The following PDE4B variants were observed in gnomAD, a reference collection of about 807,000 sequenced individuals.
The protein encoded by PDE4B is 3',5'-cyclic-AMP phosphodiesterase 4B.
A neutral mutation model predicts 82.2 loss-of-function variants in PDE4B; 20 were observed. The observed-to-expected ratio is 0.24, with a 90% CI of 0.17 to 0.35. The LOEUF (loss-of-function observed/expected upper bound fraction) is 0.35. Ranked by LOEUF, PDE4B falls within the 10% of genes least tolerant of loss-of-function variation. The probability of loss-of-function intolerance (pLI) is 1.00; values close to 1 mark genes in which losing one functional copy is unlikely to be tolerated. For missense variants in PDE4B, 655 were observed against 907.2 expected, an observed-to-expected ratio of 0.72 and a Z score of 3.57; for synonymous variants, 320 against 318.9, an observed-to-expected ratio of 1.00 and a Z score of -0.04.
At chr1:65,947,084 A>T (rs1261319499) in intron 3 of PDE4B, among the ~76,000 whole-genome samples, 1 of 152,042 alleles carries the variant, frequency 6.6e-6, no homozygotes, top group South Asian at 2.1e-4. Context: ...AGGCACGGTT[A>T]ACATGACATC....
intron 3 of PDE4B, chr1:66,050,767 G>A (rs777027076): frequency 2.6e-5 from 4 of 152,232 alleles, no homozygotes; most frequent in Non-Finnish European, 5.9e-5. Flanking sequence ...GAATGGCTGT[G>A]TTAGAACATC....
chr1:65,924,030 T>A (rs1647354500), intron 3 of PDE4B, among the ~76,000 whole-genome samples: 2 of 150,282 alleles, frequency 1.3e-5, no homozygotes, highest in African/African-American at 4.9e-5. Flanking sequence ...TTTGTCTTTC[T>A]GGGCTGCATT....
intron 3 of PDE4B, among the ~76,000 whole-genome samples, chr1:66,118,997 A>T (rs1645655128): frequency 6.6e-6 from 1 of 151,980 alleles, no homozygotes; most frequent in African/African-American, 2.4e-5. Flanking sequence ...CTTCATCTCT[A>T]TGTATACTGT....
At chr1:66,150,724 G>C (rs200171951) in intron 3 of PDE4B, among the ~76,000 whole-genome samples, 1 of 152,014 alleles carries the variant, frequency 6.6e-6, no homozygotes, top group South Asian at 2.1e-4. Context: ...TCCCTACTTT[G>C]TTAGGTATTT....
chr1:65,921,271 A>T (rs1163999320), intron 3 of PDE4B, among the ~76,000 whole-genome samples: 2 of 152,100 alleles, frequency 1.3e-5, no homozygotes, highest in African/African-American at 4.8e-5. Flanking sequence ...CCCGGCCCTA[A>T]AAGCATTTCT....
chr1:66,273,742 G>A, intron 7 of PDE4B, among the ~76,000 whole-genome samples: 1 of 152,164 alleles, frequency 6.6e-6, no homozygotes, highest in East Asian at 1.9e-4. Context: ...CTCAATAAAT[G>A]TTTATGGACT....
intron 1 of PDE4B, among the ~76,000 whole-genome samples, chr1:65,850,950 A>G (rs1403289332): frequency 6.6e-6 from 1 of 152,088 alleles, no homozygotes; most frequent in Non-Finnish European, 1.5e-5. Context: ...TAGGTCTGTG[A>G]TCCATTTCAG....
intron 3 of PDE4B, among the ~76,000 whole-genome samples, chr1:66,060,817 T>C (rs549581734): frequency 3.9e-5 from 6 of 152,058 alleles, no homozygotes; most frequent in Non-Finnish European, 7.4e-5. Flanking sequence ...GATTCTTAAA[T>C]ATGAAGTGTG....
At chr1:66,037,115 G>C (rs1385828231) in intron 3 of PDE4B, among the ~76,000 whole-genome samples, 3 of 134,258 alleles carry the variant, frequency 2.2e-5, no homozygotes, top group Admixed American at 7.8e-5. Flanking sequence ...GACAGAGTGA[G>C]ACTCTGCCTC....
rs78071316 is a variant in PDE4B at position 66,002,305 on chromosome 1, A to G, written c.281+83470A>G. Among the ~76,000 whole-genome samples, 355 of 151,022 alleles carry G rather than the reference A, an allele frequency of 2.4e-3. 1 individual carries two copies. Among genetic ancestry groups the G allele is most frequent in the Non-Finnish European group, 4.4e-3 (299 of 67,938 alleles). On this transcript the variant is annotated intron_variant, in intron 3 of 16. Coordinates refer to ENST00000341517, the MANE Select transcript of PDE4B (RefSeq NM_002600.4). ...TCTTTGGTAAAATAAAATTGTTTAT[A>G]TAAGTCATGTATCAATAAACTTTGC...
intron 3 of PDE4B, among the ~76,000 whole-genome samples, chr1:66,009,209 T>G (rs1165790953): frequency 6.6e-6 from 1 of 152,216 alleles, no homozygotes; most frequent in Admixed American, 6.5e-5. Flanking sequence ...ATTCCTGTTT[T>G]TCTCTGATAT....
At position 65,848,980 on chromosome 1, in the gene PDE4B, A is replaced by G. The variant is rs192579634; in HGVS notation, c.-71+55732A>G. ...TTAAAAATATTATTAAAATCACTTAATAGATAATAATTATTAATAGAATAC... is the reference window on the plus strand; with the variant it reads ...TTAAAAATATTATTAAAATCACTTAGTAGATAATAATTATTAATAGAATAC... On this transcript the variant is annotated intron_variant, in intron 1 of 16. Coordinates refer to ENST00000341517, the MANE Select transcript of PDE4B (RefSeq NM_002600.4). Among the ~76,000 whole-genome samples the G allele has an allele frequency of 2.2e-3, 333 of 152,194 alleles. 1 individual carries two copies. Among genetic ancestry groups the G allele is most frequent in the African/African-American group, 7.4e-3 (307 of 41,562 alleles).
upstream of PDE4B, among the ~76,000 whole-genome samples, chr1:65,792,883 G>A (rs1645587312): frequency 6.6e-6 from 1 of 152,052 alleles, no homozygotes; most frequent in Admixed American, 6.5e-5. Context: ...GGGAGAGGGG[G>A]TTTAAAGGGC....
chr1:65,921,021 T>A (rs1364515342), intron 3 of PDE4B, among the ~76,000 whole-genome samples: 1 of 128,808 alleles, frequency 7.8e-6, no homozygotes, highest in East Asian at 2.4e-4. Flanking sequence ...CAGGCTGGAG[T>A]GCAGTGGCGG....
At position 66,255,258 on chromosome 1, in the gene PDE4B, A is replaced by AT. The variant is rs1269740640; in HGVS notation, c.477-2380dup. On this transcript the variant is annotated intron_variant, in intron 4 of 16. Transcript: ENST00000341517. Reference sequence around the variant, plus strand: ...TACCACCACACCCAGCTAATTTTGTATTTTTTTTTAGTAGAGACAGGGTTC... The same window carrying AT: ...TACCACCACACCCAGCTAATTTTGTATTTTTTTTTTAGTAGAGACAGGGTTC... Among the ~76,000 whole-genome samples the AT allele has an allele frequency of 2.8e-4, 42 of 150,138 alleles. No individual in the cohort carries two copies. In the South Asian group the frequency reaches 3.4e-3, roughly 12 times the overall value.
rs78130645 is a variant in PDE4B at position 66,256,484 on chromosome 1, A to G, written c.477-1163A>G. Among the ~76,000 whole-genome samples, 10 of 152,322 alleles carry G rather than the reference A, an allele frequency of 6.6e-5. No homozygotes were observed. In the East Asian group the frequency reaches 1.2e-3, roughly 18 times the overall value. On this transcript the variant is annotated intron_variant, in intron 4 of 16. Coordinates refer to ENST00000341517, the MANE Select transcript of PDE4B (RefSeq NM_002600.4). The stretch of plus-strand genomic sequence containing the variant: ...CTTACTCCTTGTCAGTATTCTTTTT[A>G]TTGTCACTGTACAGAGTGGGCACAG...
At chr1:66,369,273 C>T (rs1190921964) in intron 16 of PDE4B, among the ~76,000 whole-genome samples, 1 of 152,160 alleles carries the variant, frequency 6.6e-6, no homozygotes, top group Non-Finnish European at 1.5e-5. Context: ...GTGTCTCCTC[C>T]ATCCCAACCC....
intron 1 of PDE4B, among the ~76,000 whole-genome samples, chr1:65,878,649 C>T (rs1424898012): frequency 1.3e-5 from 2 of 152,072 alleles, no homozygotes; most frequent in African/African-American, 4.8e-5. Flanking sequence ...CCAAACACTG[C>T]ATGTTCTCAC....
intron 1 of PDE4B, among the ~76,000 whole-genome samples, chr1:65,894,317 C>T (rs1021063731): frequency 1.3e-5 from 2 of 151,944 alleles, no homozygotes; most frequent in Non-Finnish European, 2.9e-5. Context: ...GTATTTTCAA[C>T]AATTAATGTT....
Sources: allele counts gnomAD v4.1 joint callset (sites outside exome capture counted in the v4.1 genomes callset), GRCh38; gene constraint gnomAD v4.1.1; transcripts MANE v1.5; gene names NCBI Gene and HGNC (gene_info 2026-07-23, HGNC 2026-07-21).